TYW3: variants seen among roughly 807,000 people sequenced by gnomAD.
TYW3 encodes tRNA-yW synthesizing protein 3 homolog.
In TYW3, 26 loss-of-function variants were observed where a neutral mutation model predicts 23.1. The ratio of observed to expected loss-of-function variants is 1.13; its 90% CI spans 0.83 to 1.56. The LOEUF is 1.56. Among genes scored for constraint, TYW3 ranks in the 40% most tolerant of loss-of-function variants. TYW3 has a pLI of 0.00. For missense variants in TYW3, 316 were observed against 311.9 expected, an observed-to-expected ratio of 1.01 and a Z score of -0.10; for synonymous variants, 102 against 105.7, an observed-to-expected ratio of 0.97 and a Z score of 0.21.
intron 2 of TYW3, among the ~76,000 whole-genome samples, chr1:74,738,153 A>G (rs1027095136): frequency 6.6e-6 from 1 of 152,140 alleles, no homozygotes; most frequent in African/African-American, 2.4e-5. Context: ...TGTTACAACA[A>G]CTGTGCCTGT....
At chr1:74,741,852 G>A (rs962595512) in intron 3 of TYW3, among the ~76,000 whole-genome samples, 1 of 152,184 alleles carries the variant, frequency 6.6e-6, no homozygotes, top group African/African-American at 2.4e-5. Flanking sequence ...TGCCTCTTGA[G>A]TGTTTCATTT....
chr1:74,752,430 A>G lies in TYW3; in HGVS notation c.560+5A>G, dbSNP rs1648817071. 6.2e-7 allele frequency: 1 copy of G among 1,611,988 alleles called. No individual in the cohort carries two copies. The highest frequency in any genetic ancestry group is 2.2e-5 in the East Asian group (1 of 44,796). ...AAACAAGAAAAGAATTGAGAGGTATATTAATTGGGTATTTCCATGTTATTC... is the reference window on the plus strand; with the variant it reads ...AAACAAGAAAAGAATTGAGAGGTATGTTAATTGGGTATTTCCATGTTATTC... On this transcript the variant is annotated splice_donor_5th_base_variant and intron_variant, in intron 5 of 5. Transcript: ENST00000370867.
intron 3 of TYW3, among the ~76,000 whole-genome samples, chr1:74,741,088 G>A (rs1025134732): frequency 1.3e-5 from 2 of 152,170 alleles, no homozygotes; most frequent in Non-Finnish European, 2.9e-5. Flanking sequence ...GGGGTCCTCG[G>A]TAGAAGTTGT....
In TYW3 at chr1:74,742,426, C is replaced by T. The variant is rs1236679850; in HGVS notation, c.354+3638C>T. On this transcript the variant is annotated intron_variant, in intron 3 of 5. Coordinates refer to ENST00000370867, the MANE Select transcript of TYW3 (RefSeq NM_138467.3). ...TTCCTTCTTCTGTCGTTAACCACGC[C>T]GAGGGGAGAAAACTATGCCCCCGTG... Among the ~76,000 whole-genome samples the T allele has an allele frequency of 6.6e-5, 10 of 152,072 alleles. No individual in the cohort carries two copies. The South Asian group carries it at 8.3e-4, about 13-fold the overall frequency.
chr1:74,758,762 C>T (rs547877219), intron 5 of TYW3, among the ~76,000 whole-genome samples: 111 of 152,268 alleles, frequency 7.3e-4, no homozygotes, highest in African/African-American at 2.4e-3. Context: ...ATTACAATTA[C>T]TTAATTGCAC....
At chr1:74,758,831 C>T (rs140664602) in intron 5 of TYW3, among the ~76,000 whole-genome samples, 442 of 152,276 alleles carry the variant, frequency 2.9e-3, no homozygotes, top group African/African-American at 1.0e-2. Flanking sequence ...CCACCAGCCC[C>T]CAACCTTACA....
chr1:74,746,723 A>G (rs951208040), intron 3 of TYW3, among the ~76,000 whole-genome samples: 1 of 152,196 alleles, frequency 6.6e-6, no homozygotes, highest in African/African-American at 2.4e-5. Flanking sequence ...TCCACTAGAG[A>G]GTCAGGGGAG....
chr1:74,762,783 T>A (rs1649173824), intron 5 of TYW3, among the ~76,000 whole-genome samples: 2 of 152,172 alleles, frequency 1.3e-5, no homozygotes, highest in Non-Finnish European at 2.9e-5. Flanking sequence ...TAAAAGAATG[T>A]TGGTGTCAAA....
At chr1:74,751,260 A>G (rs1252333919) in intron 4 of TYW3, 2 of 152,138 alleles carry the variant, frequency 1.3e-5, no homozygotes, top group Non-Finnish European at 2.9e-5. Context: ...GTGTATGTAC[A>G]TGCACATGCA....
rs1396865244 is a variant in TYW3, at chr1:74,738,727, T to G, written c.293T>G (p.Leu98Trp). The change falls in exon 3 of 6, where the codon TTG becomes TGG. Residue 98 changes from leucine to tryptophan, a missense_variant. Physicochemically the swap from Leu to Trp is moderately conservative, Grantham distance 61. Coordinates refer to ENST00000370867, the MANE Select transcript of TYW3 (RefSeq NM_138467.3). ...AAGAAAGCAAATGGTGATGCCACTTTGAAATTTGAACCATTTGTTCTTCAT... is the reference window on the plus strand; with the variant it reads ...AAGAAAGCAAATGGTGATGCCACTTGGAAATTTGAACCATTTGTTCTTCAT... ...ALKKANGDAT[L>W]KFEPFVLHVQ... 1.2e-6 allele frequency: 2 copies of G among 1,609,768 alleles called. No homozygotes were observed. The highest frequency in any genetic ancestry group is 1.7e-6 in the Non-Finnish European group (2 of 1,176,828).
rs1648675636 is a variant in TYW3, at chr1:74,748,763, A to G, written c.367A>G (p.Ile123Val). ...QDAQILHSMA[I>V]DSGFRNSGIT... is the part of the protein sequence containing the mutation. ...TATTTTCTTACAGCATTCCATGGCA[A>G]TAGATTCTGGTTTCAGGAACTCTGG... Residue 123 changes from isoleucine to valine, a missense_variant, in exon 4 of 6, where the codon ATA (isoleucine) becomes GTA (valine). By Grantham distance (29) the Ile-to-Val change is conservative (BLOSUM62 3). Transcript: ENST00000370867. 6.2e-7 allele frequency: 1 copy of G among 1,614,060 alleles called. No homozygotes were observed. The highest frequency in any genetic ancestry group is 1.1e-5 in the South Asian group (1 of 91,086).
In TYW3 at chr1:74,766,519, A is replaced by G. The variant is rs976748938; in HGVS notation, c.*2406A>G. ...TTAAAAAAAATATATAAAAAAGCTT[A>G]TAGAATAAGGATATAAAGAAATATT... On this transcript the variant is annotated 3_prime_UTR_variant, in exon 6 of 6. Transcript: ENST00000370867. 3.3e-5 allele frequency: 5 copies of G among 152,198 alleles called. No individual in the cohort carries two copies. Among genetic ancestry groups the G allele is most frequent in the African/African-American group, 1.2e-4 (5 of 41,454 alleles). 9.4% of individuals were successfully genotyped at this position (152,198 alleles called of 1,614,324 possible). A position where few individuals can be genotyped will look rare whatever the true frequency, so the allele number is the denominator to read the frequency against.
At chr1:74,755,138 G>A (rs78884416) in intron 5 of TYW3, among the ~76,000 whole-genome samples, 6,035 of 152,038 alleles carry the variant, frequency 0.04, 165 homozygotes, top group Non-Finnish European at 0.057. Flanking sequence ...AGCAAATCTG[G>A]AAGAAAAGTA....
In TYW3 at chr1:74,764,182, T is replaced by C; in HGVS notation, c.*69T>C. On this transcript the variant is annotated 3_prime_UTR_variant, in exon 6 of 6. Transcript: ENST00000370867. ...TTTATAAAGCTGCTCTTCATAAGAG[T>C]ATTTTAGTTTGTTGAGTGTATCAGC... 11 of 1,401,748 alleles carry C rather than the reference T, an allele frequency of 7.8e-6. No individual in the cohort carries two copies. The highest frequency in any genetic ancestry group is 7.8e-6 in the Non-Finnish European group (8 of 1,022,004). 86.8% of individuals were successfully genotyped at this position (1,401,748 alleles called of 1,614,324 possible).
intron 4 of TYW3, 28 bp downstream of exon 4, chr1:74,748,850 T>C (rs542579695): frequency 6.2e-7 from 1 of 1,601,872 alleles, no homozygotes; most frequent in South Asian, 1.1e-5. Context: ...AGAGTAATTT[T>C]TTTAGTGTAA....
At chr1:74,741,136 A>G (rs28857918) in intron 3 of TYW3, among the ~76,000 whole-genome samples, 98,384 of 152,146 alleles carry the variant, frequency 0.65, 32,404 homozygotes, top group East Asian at 0.78. Context: ...TAGTCCTATC[A>G]CAAAGAGTAT....
rs1053449563 is a variant in TYW3 at position 74,765,966 on chromosome 1, C to T, written c.*1853C>T. 1 of 152,092 alleles carries T rather than the reference C, an allele frequency of 6.6e-6. No individual in the cohort carries two copies. The highest frequency in any genetic ancestry group is 1.5e-5 in the Non-Finnish European group (1 of 68,018). 9.4% of individuals were successfully genotyped at this position (152,092 alleles called of 1,614,324 possible). ...AGAAGACATTGAATCCCATTCACTCCTTAACATTCCTTAATATACATTCAT... is the reference window on the plus strand; with the variant it reads ...AGAAGACATTGAATCCCATTCACTCTTTAACATTCCTTAATATACATTCAT... On this transcript the variant is annotated 3_prime_UTR_variant, in exon 6 of 6. Transcript: ENST00000370867.
At chr1:74,744,351 C>T (rs1027556850) in intron 3 of TYW3, among the ~76,000 whole-genome samples, 7 of 151,324 alleles carry the variant, frequency 4.6e-5, no homozygotes, top group African/African-American at 1.7e-4. Flanking sequence ...TTTTCCCCAT[C>T]AGAGAGAGAA....
chr1:74,752,565 T>C, intron 5 of TYW3, 140 bp downstream of exon 5: 6 of 782,092 alleles, frequency 7.7e-6, no homozygotes, highest in Non-Finnish European at 1.1e-5. Flanking sequence ...TTATCATTAA[T>C]AATAAAAAGA....
Sources: gnomAD v4.1 joint callset for allele counts (sites outside exome capture counted in the v4.1 genomes callset) on GRCh38, gnomAD v4.1.1 for gene constraint, MANE v1.5 for transcripts, NCBI Gene and HGNC (gene_info 2026-07-23, HGNC 2026-07-21) for gene names.